Variants in IFT88 observed in about 807,000 individuals in gnomAD.
IFT88 encodes the protein intraflagellar transport 88.
IFT88 carries 74 observed loss-of-function variants against 119.5 expected under a neutral mutation model. The ratio of observed to expected loss-of-function variants is 0.62; its 90% CI spans 0.51 to 0.75. The LOEUF (loss-of-function observed/expected upper bound fraction) is 0.75. Ranked by LOEUF, IFT88 falls within the 30% of genes least tolerant of loss-of-function variation. IFT88 has a pLI of 0.00. For missense variants in IFT88, 961 were observed against 977.7 expected (o/e 0.98, Z 0.23); for synonymous variants, 279 against 316.7 (o/e 0.88, Z 1.26).
chr13:20,665,855 C>T (rs542402366), intron 23 of IFT88, among the ~76,000 whole-genome samples: 6 of 152,210 alleles, frequency 3.9e-5, no homozygotes, highest in South Asian at 2.1e-4. Flanking sequence ...AGTTCCCAGA[C>T]GGGCTTGTGT....
intron 23 of IFT88, 83 bp downstream of exon 23, chr13:20,663,687 C>A: frequency 5.2e-6 from 5 of 957,726 alleles, no homozygotes; most frequent in South Asian, 1.6e-5. Flanking sequence ...ATGTTAGGAG[C>A]TTCTATAAGA....
chr13:20,600,447 A>G (rs1309093579), intron 11 of IFT88, among the ~76,000 whole-genome samples: 1 of 152,140 alleles, frequency 6.6e-6, no homozygotes, highest in East Asian at 1.9e-4. Flanking sequence ...GAGAGAAGGG[A>G]TAACATCTGA....
Position 20,637,861 on chromosome 13 carries a change from G to A in IFT88, c.1387-471G>A, listed in dbSNP as rs114133851. ...AATATTTAAGAACAGAGAGGTTCCT[G>A]TAGCTCACGTGAATGATGGCAAGGC... On this transcript the variant is annotated intron_variant, in intron 16 of 25. Transcript: ENST00000351808. 7.6e-3 allele frequency among the ~76,000 whole-genome samples: 1,161 copies of A among 152,284 alleles called. 18 individuals carry two copies. The highest frequency in any genetic ancestry group is 0.027 in the African/African-American group (1,116 of 41,554).
chr13:20,637,243 G>T (rs906292890), intron 16 of IFT88, among the ~76,000 whole-genome samples: 2 of 152,182 alleles, frequency 1.3e-5, no homozygotes, highest in African/African-American at 2.4e-5. Context: ...AAATGCCACA[G>T]AATTCTACAT....
chr13:20,630,141 T>TGAAGGC (rs2047969775), intron 15 of IFT88, among the ~76,000 whole-genome samples: 1 of 152,236 alleles, frequency 6.6e-6, no homozygotes, highest in Non-Finnish European at 1.5e-5. Context: ...TCTGTGCCAT[T>TGAAGGC]TTTCCTTCTT....
At chr13:20,589,953 C>T in intron 4 of IFT88, 86 bp downstream of exon 4, 1 of 705,028 alleles carries the variant, frequency 1.4e-6, no homozygotes, top group South Asian at 2.1e-5. Flanking sequence ...TTTATTATAT[C>T]TTAGGTCATA....
intron 23 of IFT88, among the ~76,000 whole-genome samples, chr13:20,664,197 A>G (rs1250399061): frequency 2.6e-5 from 4 of 152,188 alleles, no homozygotes; most frequent in Admixed American, 6.6e-5. Context: ...AACATAAACC[A>G]ATTCAGGTTT....
In IFT88 at chr13:20,589,869, T is replaced by C; in HGVS notation, c.210+2T>C. On this transcript the variant is annotated splice_donor_variant, in intron 4 of 25. Transcript: ENST00000351808. LOFTEE classifies it high-confidence loss of function. ...AGACCTATAGCTACTGGATATGGGG[T>C]AGGTTTTTGTAAGCTGAAAATATTA... The C allele has an allele frequency of 6.3e-7, 1 of 1,581,676 alleles. No homozygotes were observed. The highest frequency in any genetic ancestry group is 8.7e-7 in the Non-Finnish European group (1 of 1,154,188).
chr13:20,661,920 G>A (rs372776889), intron 22 of IFT88, among the ~76,000 whole-genome samples: 21 of 152,256 alleles, frequency 1.4e-4, no homozygotes, highest in African/African-American at 4.8e-4. Context: ...GAAAATGGGA[G>A]GGGTGCTGGC....
At chr13:20,640,401 G>A (rs1448049052) in intron 17 of IFT88, among the ~76,000 whole-genome samples, 8 of 151,474 alleles carry the variant, frequency 5.3e-5, no homozygotes, top group East Asian at 4.0e-4. Flanking sequence ...GTGAAACCCC[G>A]TCTCTACTAA....
At chr13:20,640,504 C>T (rs1594528291) in intron 17 of IFT88, among the ~76,000 whole-genome samples, 1 of 151,806 alleles carries the variant, frequency 6.6e-6, no homozygotes, top group Non-Finnish European at 1.5e-5. Context: ...ACCCAGGAGG[C>T]GGAGCTTGCA....
intron 25 of IFT88, 73 bp from the exon 26 acceptor site, chr13:20,690,981 A>G (rs1430135943): frequency 8.3e-6 from 13 of 1,557,112 alleles, no homozygotes; most frequent in African/African-American, 1.4e-5. Flanking sequence ...CATTTTGACT[A>G]TGAGCCTGAT....
chr13:20,584,213 A>C (rs1233093061), intron 3 of IFT88, among the ~76,000 whole-genome samples: 1 of 152,032 alleles, frequency 6.6e-6, no homozygotes, highest in East Asian at 1.9e-4. Flanking sequence ...TATTGAATAC[A>C]CTGGGTGGTA....
chr13:20,618,566 A>G (rs2046000612), intron 14 of IFT88, among the ~76,000 whole-genome samples: 1 of 152,164 alleles, frequency 6.6e-6, no homozygotes, highest in African/African-American at 2.4e-5. Flanking sequence ...TGTGATATAA[A>G]TCCCACATAC....
intron 22 of IFT88, among the ~76,000 whole-genome samples, chr13:20,658,782 C>T (rs2053301839): frequency 6.6e-6 from 1 of 152,134 alleles, no homozygotes; most frequent in Non-Finnish European, 1.5e-5. Context: ...TGCCAGTGTC[C>T]CTTGGGGGTG....
In IFT88 at chr13:20,691,265, AT is replaced by A; in HGVS notation, c.*98del. ...TGGATTAAATATCTAACCTGTAATTATTTTTTTTCACTGTCAAAACTTAAGT... is the reference window on the plus strand; with the variant it reads ...TGGATTAAATATCTAACCTGTAATTATTTTTTTCACTGTCAAAACTTAAGT... On this transcript the variant is annotated 3_prime_UTR_variant, in exon 26 of 26. Transcript: ENST00000351808. The A allele has an allele frequency of 8.8e-5, 106 of 1,211,210 alleles. No homozygotes were observed. Among genetic ancestry groups the A allele is most frequent in the South Asian group, 2.0e-4 (12 of 58,924 alleles). The allele number at this position is 1,211,210 out of a possible 1,614,324, so 75.0% of individuals were successfully genotyped here. A position where few individuals can be genotyped will look rare whatever the true frequency, so the allele number is the denominator to read the frequency against.
At chr13:20,578,906 CT>C (rs1187537801) in intron 2 of IFT88, among the ~76,000 whole-genome samples, 1 of 152,114 alleles carries the variant, frequency 6.6e-6, no homozygotes, top group African/African-American at 2.4e-5. Flanking sequence ...TCTGATTTTA[CT>C]TATTTTGGTC....
At chr13:20,681,445 A>T (rs1395812355) in intron 24 of IFT88, among the ~76,000 whole-genome samples, 1 of 152,248 alleles carries the variant, frequency 6.6e-6, no homozygotes, top group Admixed American at 6.5e-5. Flanking sequence ...CCATTTGACA[A>T]GTTGGGCATC....
intron 17 of IFT88, 99 bp from the exon 18 acceptor site, chr13:20,641,191 A>T: frequency 2.7e-6 from 2 of 733,580 alleles, no homozygotes; most frequent in South Asian, 2.1e-5. Context: ...TCTTCTGGAT[A>T]AATATTTTCA....
Sources: gnomAD v4.1 joint callset for allele counts (sites outside exome capture counted in the v4.1 genomes callset) on GRCh38, gnomAD v4.1.1 for gene constraint, MANE v1.5 for transcripts, NCBI Gene and HGNC (gene_info 2026-07-23, HGNC 2026-07-21) for gene names.